The following NWD2 variants were observed in gnomAD, a reference collection of about 807,000 sequenced individuals.
NWD2 encodes NACHT and WD repeat domain containing 2, also known as NACHT and WD repeat domain-containing protein 2.
A neutral mutation model predicts 132.7 loss-of-function variants in NWD2; 37 were observed. That is an observed-to-expected ratio of 0.28 (90% CI 0.21 to 0.37). The LOEUF is 0.37. NWD2 is among the 10% of genes least tolerant of loss of function. The pLI is 1.00. For synonymous variants in NWD2, 705 were observed against 803.0 expected, an observed-to-expected ratio of 0.88 and a Z score of 2.06; for missense variants, 1,592 against 2,122.4, an observed-to-expected ratio of 0.75 and a Z score of 4.91.
At chr4:37,324,352 T>C (rs1560395090) in intron 1 of NWD2, among the ~76,000 whole-genome samples, 1 of 152,146 alleles carries the variant, frequency 6.6e-6, no homozygotes, top group Non-Finnish European at 1.5e-5. Flanking sequence ...CTTTTGAATA[T>C]ATTTTTATCT....
rs1439825410 is a variant in NWD2, at chr4:37,445,388, T to C, written c.3400T>C (p.Cys1134Arg). The C allele has an allele frequency of 3.9e-6, 6 of 1,552,180 alleles. No individual in the cohort carries two copies. Among genetic ancestry groups the C allele is most frequent in the Non-Finnish European group, 5.2e-6 (6 of 1,147,106 alleles). The change falls in exon 7 of 7, where the codon TGT becomes CGT. Residue 1134 changes from cysteine (C) to arginine (R), a missense_variant. By Grantham distance (180) the Cys-to-Arg change is radical. Coordinates refer to ENST00000309447, the MANE Select transcript of NWD2 (RefSeq NM_001144990.2). This position sits in a 1 kb window ranked among gnomAD's most constrained non-coding sequence, Gnocchi z 4.7. ...IFHLGSGEKL[C>R]TVTSEFSGGF... is the part of the protein sequence containing the mutation. The stretch of plus-strand genomic sequence containing the variant: ...TCATTTAGGGAGTGGAGAAAAGTTA[T>C]GTACAGTGACATCAGAATTTTCAGG...
chr4:37,265,454 C>T (rs1289106227), intron 1 of NWD2, among the ~76,000 whole-genome samples: 5 of 152,102 alleles, frequency 3.3e-5, no homozygotes, highest in Middle Eastern at 3.2e-3. Context: ...TTCTGGAGGT[C>T]AGAAGTCCGA....
chr4:37,318,135 C>G (rs1327884458), intron 1 of NWD2, among the ~76,000 whole-genome samples: 1 of 150,854 alleles, frequency 6.6e-6, no homozygotes, highest in Non-Finnish European at 1.5e-5. Flanking sequence ...AAGTGATTCT[C>G]CCGCCTCAGC....
At chr4:37,263,493 A>G (rs1016834026) in intron 1 of NWD2, among the ~76,000 whole-genome samples, 20 of 152,228 alleles carry the variant, frequency 1.3e-4, no homozygotes, top group Admixed American at 1.2e-3. Flanking sequence ...TAGCAGGGTG[A>G]CTTCTTCCTT....
chr4:37,387,706 G>C (rs1232963691), intron 3 of NWD2, among the ~76,000 whole-genome samples: 1 of 122,106 alleles, frequency 8.2e-6, no homozygotes, highest in African/African-American at 3.3e-5. Flanking sequence ...ACAGAGTCTC[G>C]CTCTGTCACC....
chr4:37,415,083 C>A (rs371825016), intron 3 of NWD2, among the ~76,000 whole-genome samples: 1 of 152,146 alleles, frequency 6.6e-6, no homozygotes, highest in South Asian at 2.1e-4. Flanking sequence ...GTATAAAAGG[C>A]AATTTAGGCA....
intron 3 of NWD2, among the ~76,000 whole-genome samples, chr4:37,418,400 C>T (rs927634279): frequency 1.3e-5 from 2 of 152,008 alleles, no homozygotes; most frequent in Non-Finnish European, 2.9e-5. Context: ...TAGATACTCT[C>T]CTCTAAAAGA....
chr4:37,373,519 T>C (rs1209006035), intron 3 of NWD2, among the ~76,000 whole-genome samples: 1 of 152,216 alleles, frequency 6.6e-6, no homozygotes, highest in African/African-American at 2.4e-5. Flanking sequence ...GGCTTGGGTA[T>C]TACTGATAAC....
At chr4:37,388,859 A>G (rs1720625864) in intron 3 of NWD2, among the ~76,000 whole-genome samples, 1 of 151,262 alleles carries the variant, frequency 6.6e-6, no homozygotes, top group African/African-American at 2.4e-5. Flanking sequence ...CACTCTGTAC[A>G]TGTTAAGCAA....
chr4:37,358,976 C>A (rs1469853235), intron 3 of NWD2, among the ~76,000 whole-genome samples: 1 of 152,116 alleles, frequency 6.6e-6, no homozygotes, highest in Non-Finnish European at 1.5e-5. Context: ...GAAGCATAAC[C>A]CACTATGGGA....
intron 3 of NWD2, among the ~76,000 whole-genome samples, chr4:37,413,654 A>T (rs1040635389): frequency 6.6e-6 from 1 of 152,342 alleles, no homozygotes; most frequent in Non-Finnish European, 1.5e-5. Context: ...TCATTCTACT[A>T]TAAAGACACA....
chr4:37,418,852 A>G (rs1306430292), intron 3 of NWD2, among the ~76,000 whole-genome samples: 1 of 151,896 alleles, frequency 6.6e-6, no homozygotes, highest in Non-Finnish European at 1.5e-5. Context: ...TTTAATGATC[A>G]CCATGATCAC....
Position 37,443,340 on chromosome 4 carries a change from T to C in NWD2, c.1352T>C (p.Val451Ala), listed in dbSNP as rs1010670089. Reference protein sequence around the residue: ...TGPESDPVVIVRFLGTTDMSS... With the variant: ...TGPESDPVVIARFLGTTDMSS... ...CCAGAATCTGACCCAGTAGTCATCG[T>C]GAGATTTCTAGGAACGACAGACATG... Residue 451 changes from valine (V) to alanine (A), a missense_variant, in exon 7 of 7, where the codon GTG becomes GCG. This residue lies in a region of NWD2 where 1,071 missense variants were observed against 1,398.0 expected (regional missense o/e 0.77). Coordinates refer to ENST00000309447, the MANE Select transcript of NWD2 (RefSeq NM_001144990.2). This position sits in a 1 kb window ranked among gnomAD's most constrained non-coding sequence, Gnocchi z 4.1. The C allele has an allele frequency of 3.2e-6, 5 of 1,549,100 alleles. No homozygotes were observed. The African/African-American group carries it at 6.8e-5, about 21-fold the overall frequency.
rs184202393 is a variant in NWD2, at chr4:37,284,199, T to C, written c.151+38981T>C. Among the ~76,000 whole-genome samples, 4 of 152,292 alleles carry C rather than the reference T, an allele frequency of 2.6e-5. No homozygotes were observed. In the East Asian group the frequency reaches 5.8e-4, roughly 22 times the overall value. On this transcript the variant is annotated intron_variant, in intron 1 of 6. Coordinates refer to ENST00000309447, the MANE Select transcript of NWD2 (RefSeq NM_001144990.2). The stretch of plus-strand genomic sequence containing the variant: ...TTTGGGGTCTGGTGAGAGCTCGCTT[T>C]CTGGTTCGTAGGTGGCACATGGTAG...
intron 3 of NWD2, among the ~76,000 whole-genome samples, chr4:37,408,321 A>G (rs1721085613): frequency 6.6e-6 from 1 of 152,146 alleles, no homozygotes; most frequent in Non-Finnish European, 1.5e-5. Context: ...TCTGAGATTG[A>G]CCTGGGGCAC....
At chr4:37,421,172 C>T (rs1012130837) in intron 3 of NWD2, among the ~76,000 whole-genome samples, 1 of 152,174 alleles carries the variant, frequency 6.6e-6, no homozygotes, top group African/African-American at 2.4e-5. Flanking sequence ...AAACTCGGCT[C>T]CTTTTGTATT....
At chr4:37,414,161 A>G (rs35173020) in intron 3 of NWD2, among the ~76,000 whole-genome samples, 10,707 of 152,268 alleles carry the variant, frequency 0.07, 408 homozygotes, top group East Asian at 0.16. Context: ...ATTCTACTGA[A>G]TGTAATAGTA....
In NWD2 at chr4:37,250,543, T is replaced by C. The variant is rs1484925712; in HGVS notation, c.151+5325T>C. ...TGAGTAGATTACATAAGCTAATAGA[T>C]GTGAGGCACTTAGGACAGTGCTGGG... On this transcript the variant is annotated intron_variant, in intron 1 of 6. Transcript: ENST00000309447. Among the ~76,000 whole-genome samples, 6 of 152,222 alleles carry C rather than the reference T, an allele frequency of 3.9e-5. No individual in the cohort carries two copies. The East Asian group carries it at 5.8e-4, about 15-fold the overall frequency.
At chr4:37,257,654 A>G (rs1282817457) in intron 1 of NWD2, among the ~76,000 whole-genome samples, 3 of 152,190 alleles carry the variant, frequency 2.0e-5, no homozygotes, top group African/African-American at 7.2e-5. Flanking sequence ...TCTTAAAAAA[A>G]CTATAGCACA....
Sources: allele counts gnomAD v4.1 joint callset (sites outside exome capture counted in the v4.1 genomes callset), GRCh38; gene constraint gnomAD v4.1.1; regional missense constraint gnomAD v4.1.1; non-coding constraint Gnocchi (gnomAD v3.1); transcripts MANE v1.5; gene names NCBI Gene and HGNC (gene_info 2026-07-23, HGNC 2026-07-21).